Variants in FRMD3 observed in about 807,000 individuals in gnomAD.
The protein encoded by FRMD3 is FERM domain-containing protein 3.
Under a neutral mutation model 70.2 loss-of-function variants are expected in FRMD3, and 33 were observed. That is an observed-to-expected ratio of 0.47 (90% confidence interval 0.36 to 0.63). The LOEUF (loss-of-function observed/expected upper bound fraction) is 0.63. Among genes scored for constraint, FRMD3 ranks in the 20% least tolerant of loss-of-function variants. The pLI, the probability that FRMD3 is intolerant of heterozygous loss-of-function variation, is 0.00. For synonymous variants in FRMD3, 279 were observed against 255.9 expected (o/e 1.09, Z -0.86); for missense variants, 632 against 711.4 (o/e 0.89, Z 1.27).
intron 1 of FRMD3, among the ~76,000 whole-genome samples, chr9:83,459,423 G>C (rs1827908698): frequency 6.6e-6 from 1 of 152,204 alleles, no homozygotes; most frequent in Admixed American, 6.5e-5. Flanking sequence ...CCATGTCTGG[G>C]TGGACCATTG....
intron 13 of FRMD3, among the ~76,000 whole-genome samples, chr9:83,288,103 A>C (rs1268074053): frequency 1.3e-5 from 2 of 152,256 alleles, no homozygotes; most frequent in Non-Finnish European, 2.9e-5. Context: ...TTCATAGTGC[A>C]TGCACTCAAA....
At chr9:83,420,859 A>C (rs933740594) in intron 1 of FRMD3, among the ~76,000 whole-genome samples, 7 of 151,162 alleles carry the variant, frequency 4.6e-5, no homozygotes, top group Non-Finnish European at 1.0e-4. Flanking sequence ...AAGCAGCCTG[A>C]GGCCCTCACC....
At chr9:83,314,317 A>G (rs1835478077) in intron 6 of FRMD3, among the ~76,000 whole-genome samples, 1 of 152,210 alleles carries the variant, frequency 6.6e-6, no homozygotes, top group African/African-American at 2.4e-5. Flanking sequence ...AGGGCTGCAA[A>G]TATAGATGAC....
chr9:83,416,141 T>C (rs1391534324), intron 1 of FRMD3, among the ~76,000 whole-genome samples: 2 of 152,222 alleles, frequency 1.3e-5, no homozygotes, highest in African/African-American at 2.4e-5. Context: ...CTTCCAGAGC[T>C]GCCCTGCCCA....
At chr9:83,392,841 G>C (rs1383499609) in intron 1 of FRMD3, among the ~76,000 whole-genome samples, 1 of 152,100 alleles carries the variant, frequency 6.6e-6, no homozygotes, top group East Asian at 1.9e-4. Flanking sequence ...TCAAGTAAAA[G>C]GATTTCTTTT....
At chr9:83,311,287 GAAA>G (rs35801668) in intron 8 of FRMD3, among the ~76,000 whole-genome samples, 16 of 121,576 alleles carry the variant, frequency 1.3e-4, no homozygotes, top group Admixed American at 2.5e-4. Flanking sequence ...GAATGGCAGA[GAAA>G]AAAAAAAAAA....
At chr9:83,382,194 C>T (rs1293925501) in intron 2 of FRMD3, among the ~76,000 whole-genome samples, 2 of 151,992 alleles carry the variant, frequency 1.3e-5, no homozygotes, top group Non-Finnish European at 2.9e-5. Context: ...TGTCATGCCA[C>T]ATAAATTTAA....
downstream of FRMD3, chr9:83,244,480 C>G (rs998296325): frequency 1.2e-5 from 2 of 161,484 alleles, no homozygotes; most frequent in African/African-American, 5.0e-5. Flanking sequence ...TTAATCTAAT[C>G]TATTACCTGG....
Position 83,500,837 on chromosome 9 carries a change from C to A in FRMD3, c.147+37248G>T, listed in dbSNP as rs926904216. Among the ~76,000 whole-genome samples the A allele has an allele frequency of 3.3e-5, 5 of 152,310 alleles. No homozygotes were observed. In the East Asian group the frequency reaches 5.8e-4, roughly 18 times the overall value. ...TGGAGAATAGGGGTTAGCTTCTCTG[C>A]AGCATTTTCTAACTTACAGTTTAAT... On this transcript the variant is annotated intron_variant, in intron 1 of 13. Transcript: ENST00000304195.
chr9:83,329,164 C>T (rs925349327), intron 6 of FRMD3, among the ~76,000 whole-genome samples: 1 of 152,158 alleles, frequency 6.6e-6, no homozygotes, highest in African/African-American at 2.4e-5. Context: ...AATGCCAGGA[C>T]TTCATTTTTA....
chr9:83,372,777 T>C (rs559791342), intron 3 of FRMD3, 136 bp downstream of exon 3: 7 of 768,128 alleles, frequency 9.1e-6, no homozygotes, highest in Admixed American at 2.0e-5. Flanking sequence ...AGAGCTCTCC[T>C]GGGGAGAGAG....
the FRMD3 span, among the ~76,000 whole-genome samples, chr9:83,544,033 CA>C: frequency 6.6e-6 from 1 of 152,150 alleles, no homozygotes; most frequent in African/African-American, 2.4e-5. Flanking sequence ...CTAGATTGTA[CA>C]AAAGACAGGG....
At chr9:83,479,773 GGGAGGGAGGGAGGGAAGGAA>G (rs1221758455) in intron 1 of FRMD3, among the ~76,000 whole-genome samples, 7,549 of 71,252 alleles carry the variant, frequency 0.11, 498 homozygotes, top group African/African-American at 0.18. Flanking sequence ...GAGGGAGGGA[GGGAGGGAGGGAGGGAAGGAA>G]GGAAGGAAGG....
At chr9:83,252,476 TAACC>T (rs1286680795) in intron 13 of FRMD3, among the ~76,000 whole-genome samples, 1 of 152,000 alleles carries the variant, frequency 6.6e-6, no homozygotes, top group African/African-American at 2.4e-5. Flanking sequence ...GTCTGCAAAA[TAACC>T]AACTAGCATC....
intron 6 of FRMD3, among the ~76,000 whole-genome samples, chr9:83,323,250 A>G (rs1300523932): frequency 6.6e-6 from 1 of 152,246 alleles, no homozygotes; most frequent in Non-Finnish European, 1.5e-5. Flanking sequence ...GTTATTTGTA[A>G]TAGCAAAAAC....
chr9:83,353,134 C>A (rs1376362407), intron 3 of FRMD3, among the ~76,000 whole-genome samples: 2 of 151,982 alleles, frequency 1.3e-5, no homozygotes, highest in Non-Finnish European at 2.9e-5. Flanking sequence ...ACATCATTGA[C>A]CCCATGTCAC....
At chr9:83,488,811 T>C (rs888467088) in intron 1 of FRMD3, among the ~76,000 whole-genome samples, 1 of 152,118 alleles carries the variant, frequency 6.6e-6, no homozygotes, top group South Asian at 2.1e-4. Context: ...AGAGCATGAA[T>C]GATAAATGAC....
chr9:83,368,941 A>G (rs2131247049), intron 3 of FRMD3, among the ~76,000 whole-genome samples: 1 of 151,838 alleles, frequency 6.6e-6, no homozygotes, highest in Admixed American at 6.6e-5. Context: ...TTCAACCTCC[A>G]ACTCCCTGGT....
chr9:83,414,537 G>A (rs1158620892), intron 1 of FRMD3, among the ~76,000 whole-genome samples: 1 of 152,182 alleles, frequency 6.6e-6, no homozygotes, highest in African/African-American at 2.4e-5. Context: ...CATTAAGGTA[G>A]TGAAGAACCA....
Sources: allele counts gnomAD v4.1 joint callset (sites outside exome capture counted in the v4.1 genomes callset), GRCh38; gene constraint gnomAD v4.1.1; transcripts MANE v1.5; gene names NCBI Gene and HGNC (gene_info 2026-07-23, HGNC 2026-07-21).